Variants in CCL20 observed in about 807,000 individuals in gnomAD.
The protein encoded by CCL20 is C-C motif chemokine ligand 20, also known as C-C motif chemokine 20.
Under a neutral mutation model 10.8 loss-of-function variants are expected in CCL20, and 8 were observed. The ratio of observed to expected loss-of-function variants is 0.74; its 90% confidence interval spans 0.44 to 1.34. The LOEUF is 1.34. Ranked by LOEUF, CCL20 falls within the 40% of genes most tolerant of loss-of-function variation. The probability of loss-of-function intolerance (pLI) is 0.01; values close to 1 mark genes in which losing one functional copy is unlikely to be tolerated. For missense variants in CCL20, 107 were observed against 117.9 expected (o/e 0.91, Z 0.43); for synonymous variants, 40 against 39.4 (o/e 1.02, Z -0.06).
At chr2:227,816,456 G>A in intron 3 of CCL20, 72 bp downstream of exon 3, 1 of 751,868 alleles carries the variant, frequency 1.3e-6, no homozygotes, top group Non-Finnish European at 2.2e-6. Flanking sequence ...TGGGCCGTAG[G>A]TTTTCTGGGA....
At chr2:227,815,739 A>G (rs1321798012) in intron 2 of CCL20, 171 bp downstream of exon 2, 5 of 538,144 alleles carry the variant, frequency 9.3e-6, no homozygotes, top group Non-Finnish European at 1.6e-5. Context: ...GTCTTAGTAC[A>G]TATCTACTTT....
At chr2:227,814,271 A>G (rs888395620) in intron 1 of CCL20, among the ~76,000 whole-genome samples, 2 of 152,134 alleles carry the variant, frequency 1.3e-5, no homozygotes, top group Non-Finnish European at 1.5e-5. Context: ...GGAGTGATAT[A>G]AAGTGTGTAA....
rs773228360 is a variant in CCL20 at position 227,817,042 on chromosome 2, T to C, written c.270-20T>C. 30 of 1,596,108 alleles carry C rather than the reference T, an allele frequency of 1.9e-5. No individual in the cohort carries two copies. The highest frequency in any genetic ancestry group is 2.1e-5 in the Non-Finnish European group (24 of 1,164,262). On this transcript the variant is annotated intron_variant, in intron 3 of 3. Coordinates refer to ENST00000358813, the MANE Select transcript of CCL20 (RefSeq NM_004591.3). ...GTCACCTTGTCATTACTTACACTTT[T>C]CTTCTTTTTCATTTTACAGTAAAAA...
chr2:227,816,217 T>TGGAA, intron 2 of CCL20, 90 bp from the exon 3 acceptor site: 1 of 694,880 alleles, frequency 1.4e-6, no homozygotes, highest in Non-Finnish European at 2.5e-6. Flanking sequence ...TAGTGTGTAA[T>TGGAA]CAACTGGAAT....
chr2:227,815,220 C>G (rs772192183), intron 1 of CCL20: 19 of 340,186 alleles, frequency 5.6e-5, no homozygotes, highest in Non-Finnish European at 7.9e-5. Flanking sequence ...ATTATTGAAC[C>G]AAAACTTCTC....
chr2:227,817,007 C>T, intron 3 of CCL20, 55 bp from the exon 4 acceptor site: 4 of 1,419,646 alleles, frequency 2.8e-6, no homozygotes, highest in Non-Finnish European at 4.0e-6. Flanking sequence ...AAAGTCATTC[C>T]CACCATGCAG....
Position 227,815,437 on chromosome 2 carries a change from C to CTTTTT in CCL20, c.77-7_77-3dup. 7 of 1,124,784 alleles carry CTTTTT rather than the reference C, an allele frequency of 6.2e-6. No individual in the cohort carries two copies. In the African/African-American group the frequency reaches 6.4e-5, roughly 10 times the overall value. The allele number at this position is 1,124,784 out of a possible 1,614,324, so 69.7% of individuals were successfully genotyped here. On this transcript the variant is annotated splice_polypyrimidine_tract_variant and intron_variant, in intron 1 of 3. Transcript: ENST00000358813. ...ATTCATGTGGATCCAATACCTTTCACTTTTTTTTTTTTTTAGCAGCAAGCA... is the reference window on the plus strand; with the variant it reads ...ATTCATGTGGATCCAATACCTTTCACTTTTTTTTTTTTTTTTTTTAGCAGCAAGCA...
At position 227,813,968 on chromosome 2, in the gene CCL20, C is replaced by A; in HGVS notation, c.57C>A (p.His19Gln). Residue 19 changes from histidine to glutamine, a missense_variant, in exon 1 of 4, where the codon CAC (histidine) becomes CAA (glutamine). Physicochemically the swap from His to Gln is conservative, Grantham distance 24 (BLOSUM62 0). Coordinates refer to ENST00000358813, the MANE Select transcript of CCL20 (RefSeq NM_004591.3). ...CTTTGATGTCAGTGCTGCTACTCCA[C>A]CTCTGCGGCGAATCAGAAGGTAAGT... The part of the protein sequence containing the change: ...LAALMSVLLL[H>Q]LCGESEAASN... 6.2e-7 allele frequency: 1 copy of A among 1,614,008 alleles called. No homozygotes were observed. Among genetic ancestry groups the A allele is most frequent in the Admixed American group, 1.7e-5 (1 of 60,030 alleles).
chr2:227,814,464 A>G (rs893990691), intron 1 of CCL20, among the ~76,000 whole-genome samples: 1 of 152,122 alleles, frequency 6.6e-6, no homozygotes, highest in South Asian at 2.1e-4. Context: ...TTAAAATAAC[A>G]TTAATCCCTT....
In CCL20 at chr2:227,816,299, T is replaced by C. The variant is rs1258375871; in HGVS notation, c.192-8T>C. ...ATTAAACACAAATCAAATTTTCTGA[T>C]TTTTCAGCTTTCACACAAAGAAAAA... On this transcript the variant is annotated splice_region_variant and splice_polypyrimidine_tract_variant and intron_variant, in intron 2 of 3. Coordinates refer to ENST00000358813, the MANE Select transcript of CCL20 (RefSeq NM_004591.3). 16 of 1,590,828 alleles carry C rather than the reference T, an allele frequency of 1.0e-5. No individual in the cohort carries two copies. Among genetic ancestry groups the C allele is most frequent in the Non-Finnish European group, 1.4e-5 (16 of 1,159,782 alleles).
chr2:227,815,925 G>C lies in CCL20; in HGVS notation c.191+357G>C, dbSNP rs1053019378. 3 of 237,372 alleles carry C rather than the reference G, an allele frequency of 1.3e-5. No homozygotes were observed. In the Admixed American group the frequency reaches 1.6e-4, roughly 13 times the overall value. The allele number at this position is 237,372 out of a possible 1,614,324, so 14.7% of individuals were successfully genotyped here. On this transcript the variant is annotated intron_variant, in intron 2 of 3. Coordinates refer to ENST00000358813, the MANE Select transcript of CCL20 (RefSeq NM_004591.3). ...GCATCTTCTACCAGAAAGTGTTTGA[G>C]ACCAAAAGTAAAATCTCAGACTAAT...
At chr2:227,814,203 G>A (rs994076750) in intron 1 of CCL20, among the ~76,000 whole-genome samples, 11 of 152,084 alleles carry the variant, frequency 7.2e-5, no homozygotes, top group African/African-American at 4.8e-5. Flanking sequence ...CAGATTTGGG[G>A]AGTGGTGGGC....
Position 227,815,437 on chromosome 2 carries a change from CTTTTT to C in CCL20, c.77-7_77-3del. On this transcript the variant is annotated splice_polypyrimidine_tract_variant and intron_variant, in intron 1 of 3. Transcript: ENST00000358813. ...ATTCATGTGGATCCAATACCTTTCA[CTTTTT>C]TTTTTTTTTAGCAGCAAGCAACTTT... 3 of 1,124,756 alleles carry C rather than the reference CTTTTT, an allele frequency of 2.7e-6. No individual in the cohort carries two copies. The highest frequency in any genetic ancestry group is 1.6e-5 in the African/African-American group (1 of 62,310). The allele number at this position is 1,124,756 out of a possible 1,614,324, so 69.7% of individuals were successfully genotyped here.
In CCL20 at chr2:227,816,400, A is replaced by G; in HGVS notation, c.269+16A>G. The G allele has an allele frequency of 6.8e-7, 1 of 1,480,582 alleles. No homozygotes were observed. Among genetic ancestry groups the G allele is most frequent in the East Asian group, 2.3e-5 (1 of 43,848 alleles). The allele number at this position is 1,480,582 out of a possible 1,614,324, so 91.7% of individuals were successfully genotyped here. A position where few individuals can be genotyped will look rare whatever the true frequency, so the allele number is the denominator to read the frequency against. ...GTCTCCTCAGGTATGTTACACTGAC[A>G]TTTAGCCTTTGCAAATGTTTGAGGA... On this transcript the variant is annotated intron_variant, in intron 3 of 3. Transcript: ENST00000358813.
chr2:227,815,517 TG>T lies in CCL20; in HGVS notation c.143del (p.Gly48AlafsTer35). The stretch of plus-strand genomic sequence containing the variant: ...CGTATTCTTCATCCTAAATTTATTG[TG>T]GGCTTCACACGGCAGCTGGCCAATG... The part of the protein sequence containing the change: ...TDRILHPKFI[V>X]GFTRQLANEG... On this transcript the variant is annotated frameshift_variant, in exon 2 of 4. Coordinates refer to ENST00000358813, the MANE Select transcript of CCL20 (RefSeq NM_004591.3). LOFTEE classifies it high-confidence loss of function. 1 of 1,612,590 alleles carries T rather than the reference TG, an allele frequency of 6.2e-7. No homozygotes were observed. Among genetic ancestry groups the T allele is most frequent in the African/African-American group, 1.3e-5 (1 of 75,024 alleles).
chr2:227,815,461 C>A lies in CCL20; in HGVS notation c.84C>A (p.Ser28Arg). 3 of 1,548,884 alleles carry A rather than the reference C, an allele frequency of 1.9e-6. No homozygotes were observed. Among genetic ancestry groups the A allele is most frequent in the Admixed American group, 1.8e-5 (1 of 54,082 alleles). The change falls in exon 2 of 4, where the codon AGC becomes AGA. Residue 28 changes from serine (S) to arginine (R), a missense_variant. By Grantham distance (110) the Ser-to-Arg change is moderately radical. Transcript: ENST00000358813. ...LHLCGESEAA[S>R]NFDCCLGYTD... is the part of the protein sequence containing the mutation. ...ACTTTTTTTTTTTTTTAGCAGCAAG[C>A]AACTTTGACTGCTGTCTTGGATACA...
intron 2 of CCL20, 114 bp downstream of exon 2, chr2:227,815,682 A>C (rs1300345286): frequency 1.6e-6 from 1 of 624,176 alleles, no homozygotes; most frequent in Non-Finnish European, 2.8e-6. Context: ...TTTTGAACAT[A>C]AGATCTTATT....
chr2:227,815,456 G>C lies in CCL20; in HGVS notation c.79G>C (p.Ala27Pro). 6.6e-7 allele frequency: 1 copy of C among 1,517,826 alleles called. No homozygotes were observed. The highest frequency in any genetic ancestry group is 8.9e-7 in the Non-Finnish European group (1 of 1,117,752). The allele number at this position is 1,517,826 out of a possible 1,614,324, so 94.0% of individuals were successfully genotyped here. The change falls in exon 2 of 4, where the codon GCA becomes CCA. Residue 27 changes from alanine (A) to proline (P), a missense_variant and splice_region_variant. Transcript: ENST00000358813. ...LLHLCGESEA[A>P]SNFDCCLGYT... ...CTTTCACTTTTTTTTTTTTTTAGCA[G>C]CAAGCAACTTTGACTGCTGTCTTGG...
intron 2 of CCL20, 69 bp from the exon 3 acceptor site, chr2:227,816,238 C>T: frequency 2.4e-6 from 2 of 849,132 alleles, no homozygotes; most frequent in East Asian, 5.0e-5. Flanking sequence ...ATAAAATTTC[C>T]ATTGTATGTT....
Sources: allele counts gnomAD v4.1 joint callset (sites outside exome capture counted in the v4.1 genomes callset), GRCh38; gene constraint gnomAD v4.1.1; transcripts MANE v1.5; gene names NCBI Gene and HGNC (gene_info 2026-07-23, HGNC 2026-07-21).